The following ATP13A4 variants were observed in gnomAD, a reference collection of about 807,000 sequenced individuals.
ATP13A4 encodes ATPase 13A4.
A neutral mutation model predicts 142.5 loss-of-function variants in ATP13A4; 114 were observed. The ratio of observed to expected loss-of-function variants is 0.80; its 90% CI spans 0.69 to 0.93. ATP13A4 has a LOEUF of 0.93. Ranked by LOEUF, ATP13A4 falls within the 40% of genes least tolerant of loss-of-function variation. The pLI, the probability that ATP13A4 is intolerant of heterozygous loss-of-function variation, is 0.00. For missense variants in ATP13A4, 1,392 were observed against 1,454.0 expected (o/e 0.96, Z 0.69); for synonymous variants, 488 against 514.8 (o/e 0.95, Z 0.70).
At chr3:193,538,638 G>A (rs905887781) in intron 1 of ATP13A4, among the ~76,000 whole-genome samples, 6 of 151,904 alleles carry the variant, frequency 3.9e-5, no homozygotes, top group African/African-American at 1.5e-4. Context: ...AAAGCACTTG[G>A]ACAATTCTAG....
chr3:193,573,814 A>C (rs1279185413), intron 2 of ATP13A4, among the ~76,000 whole-genome samples: 1 of 152,258 alleles, frequency 6.6e-6, no homozygotes, highest in Non-Finnish European at 1.5e-5. Context: ...CACAAAAGTC[A>C]GACTTTAAAA....
At chr3:193,471,153 GA>G (rs1310030148) in intron 8 of ATP13A4, among the ~76,000 whole-genome samples, 160 bp from the exon 9 acceptor site, 1 of 151,368 alleles carries the variant, frequency 6.6e-6, no homozygotes, top group Non-Finnish European at 1.5e-5. Context: ...AAAACAAAAA[GA>G]AAAAAATGTA....
At chr3:193,564,282 C>T (rs1242856403) in intron 2 of ATP13A4, among the ~76,000 whole-genome samples, 1 of 152,208 alleles carries the variant, frequency 6.6e-6, no homozygotes, top group African/African-American at 2.4e-5. Context: ...GACTGGAAAA[C>T]CATGCAAATA....
At chr3:193,404,562 T>TAGTG (rs1301076480) in intron 29 of ATP13A4, among the ~76,000 whole-genome samples, 2 of 152,204 alleles carry the variant, frequency 1.3e-5, no homozygotes, top group African/African-American at 4.8e-5. Context: ...GTTTTCGTGA[T>TAGTG]AGTGAGTGAG....
intron 7 of ATP13A4, among the ~76,000 whole-genome samples, chr3:193,485,325 C>G (rs1301698022): frequency 6.6e-6 from 1 of 151,778 alleles, no homozygotes; most frequent in Non-Finnish European, 1.5e-5. Context: ...GGTGGAGCAG[C>G]AGTTACACGT....
chr3:193,400,730 G>A lies in ATP13A4; in HGVS notation c.*1922C>T, dbSNP rs1201453435. On this transcript the variant is annotated 3_prime_UTR_variant, in exon 30 of 30. Coordinates refer to ENST00000342695, the MANE Select transcript of ATP13A4 (RefSeq NM_032279.4). ...GTCATGGGACAATTGGTACCATTCAGGTGAGTTAGTGGAGGTGAATGCACT... is the reference window on the plus strand; with the variant it reads ...GTCATGGGACAATTGGTACCATTCAAGTGAGTTAGTGGAGGTGAATGCACT... 6.6e-6 allele frequency among the ~76,000 whole-genome samples: 1 copy of A among 152,194 alleles called. No individual in the cohort carries two copies. Among genetic ancestry groups the A allele is most frequent in the Non-Finnish European group, 1.5e-5 (1 of 68,040 alleles).
chr3:193,547,802 C>T (rs1017986431), intron 1 of ATP13A4, among the ~76,000 whole-genome samples: 4 of 152,204 alleles, frequency 2.6e-5, no homozygotes, highest in Non-Finnish European at 4.4e-5. Context: ...TGGCTTAATG[C>T]TCTGCTATCA....
chr3:193,493,720 G>T (rs1720073283), intron 3 of ATP13A4, among the ~76,000 whole-genome samples: 1 of 152,088 alleles, frequency 6.6e-6, no homozygotes, highest in Non-Finnish European at 1.5e-5. Context: ...AATGAAGAAT[G>T]AAGCTAGAAA....
intron 7 of ATP13A4, among the ~76,000 whole-genome samples, chr3:193,486,615 T>A (rs889674723): frequency 9.2e-5 from 14 of 152,260 alleles, no homozygotes; most frequent in Admixed American, 7.8e-4. Flanking sequence ...AGTTCTTGAG[T>A]TTTATGTCAA....
intron 2 of ATP13A4, 60 bp downstream of exon 2, chr3:193,514,638 G>GT (rs1721309700): frequency 1.3e-6 from 2 of 1,588,860 alleles, no homozygotes; most frequent in Non-Finnish European, 1.7e-6. Flanking sequence ...CAGCCATCCC[G>GT]TAACACATTG....
chr3:193,412,498 C>A (rs1714820560), intron 26 of ATP13A4, 127 bp from the exon 27 acceptor site: 40 of 579,692 alleles, frequency 6.9e-5, no homozygotes, highest in Non-Finnish European at 1.0e-4. Flanking sequence ...ATTGCCTGTG[C>A]TTTGGAAAAC....
chr3:193,419,516 G>T (rs574120198), intron 25 of ATP13A4, among the ~76,000 whole-genome samples: 2 of 149,518 alleles, frequency 1.3e-5, no homozygotes, highest in African/African-American at 4.9e-5. Context: ...CTGTCTCCCA[G>T]GAACTGGTGT....
intron 1 of ATP13A4, among the ~76,000 whole-genome samples, chr3:193,520,710 A>T (rs938069080): frequency 5.3e-5 from 8 of 152,182 alleles, no homozygotes; most frequent in Non-Finnish European, 1.2e-4. Flanking sequence ...ATTATTATTA[A>T]AAATAAAAAA....
At chr3:193,479,839 G>T (rs544898402) in intron 8 of ATP13A4, among the ~76,000 whole-genome samples, 1 of 152,248 alleles carries the variant, frequency 6.6e-6, no homozygotes, top group Non-Finnish European at 1.5e-5. Flanking sequence ...AACAAATCTG[G>T]AGGTATCACA....
At position 193,410,852 on chromosome 3, in the gene ATP13A4, T is replaced by C. The variant is rs1714730635; in HGVS notation, c.3297+130A>G. Reference sequence around the variant, plus strand: ...AAAAATATAGATAAATTTAGCATTTTTTTTAGCTCTGCCATCCCAAAAGAA... The same window carrying C: ...AAAAATATAGATAAATTTAGCATTTCTTTTAGCTCTGCCATCCCAAAAGAA... On this transcript the variant is annotated intron_variant, in intron 28 of 29. Transcript: ENST00000342695. The C allele has an allele frequency of 6.1e-6, 4 of 651,638 alleles. No individual in the cohort carries two copies. In the Admixed American group the frequency reaches 1.1e-4, roughly 19 times the overall value. 40.4% of individuals were successfully genotyped at this position (651,638 alleles called of 1,614,324 possible). A position where few individuals can be genotyped will look rare whatever the true frequency, so the allele number is the denominator to read the frequency against.
At chr3:193,592,403 G>C (rs538704370) in intron 1 of ATP13A4, among the ~76,000 whole-genome samples, 1 of 152,274 alleles carries the variant, frequency 6.6e-6, no homozygotes, top group South Asian at 2.1e-4. Context: ...AGCCATCAAA[G>C]AAGCCTGGGA....
At chr3:193,511,674 A>G (rs1481440661) in intron 2 of ATP13A4, among the ~76,000 whole-genome samples, 1 of 152,186 alleles carries the variant, frequency 6.6e-6, no homozygotes, top group Non-Finnish European at 1.5e-5. Context: ...TCATTCTCAC[A>G]CTAGCCCCAT....
chr3:193,569,668 C>T (rs79490421), intron 2 of ATP13A4, among the ~76,000 whole-genome samples: 1 of 152,076 alleles, frequency 6.6e-6, no homozygotes, highest in East Asian at 1.9e-4. Context: ...ACTGGAACGA[C>T]AGATGCACGC....
intron 6 of ATP13A4, 56 bp downstream of exon 6, chr3:193,491,273 G>A (rs1465925999): frequency 1.5e-6 from 2 of 1,333,552 alleles, no homozygotes; most frequent in African/African-American, 2.9e-5. Context: ...TATTTCACTA[G>A]AGCCAAACTT....
Sources: gnomAD v4.1 joint callset for allele counts (sites outside exome capture counted in the v4.1 genomes callset) on GRCh38, gnomAD v4.1.1 for gene constraint, MANE v1.5 for transcripts, NCBI Gene and HGNC (gene_info 2026-07-23, HGNC 2026-07-21) for gene names.